CTNNA1: variants seen among roughly 807,000 people sequenced by gnomAD.
The protein encoded by CTNNA1 is catenin alpha-1.
CTNNA1 carries 37 observed loss-of-function variants against 98.4 expected under a neutral mutation model. The ratio of observed to expected loss-of-function variants is 0.38; its 90% CI spans 0.29 to 0.49. CTNNA1 has a LOEUF of 0.49. Among genes scored for constraint, CTNNA1 ranks in the 20% least tolerant of loss-of-function variants. The pLI is 0.95. For synonymous variants in CTNNA1, 404 were observed against 413.2 expected (o/e 0.98, Z 0.27); for missense variants, 761 against 1,147.2 (o/e 0.66, Z 4.86).
chr5:138,902,447 T>A lies in CTNNA1; in HGVS notation c.1297-1902T>A, dbSNP rs1426003362. Among the ~76,000 whole-genome samples, 4 of 152,288 alleles carry A rather than the reference T, an allele frequency of 2.6e-5. No homozygotes were observed. In the East Asian group the frequency reaches 7.7e-4, roughly 29 times the overall value. On this transcript the variant is annotated intron_variant, in intron 9 of 17. Transcript: ENST00000302763. ...TTTTGTTTTTGTTTTTGAGACGGAG[T>A]CTCGCTCTGTCGCCCAGGCTGGAGT...
chr5:138,889,581 A>G (rs927029437), intron 9 of CTNNA1, among the ~76,000 whole-genome samples: 1 of 152,042 alleles, frequency 6.6e-6, no homozygotes, highest in African/African-American at 2.4e-5. Context: ...CCAAGCTTAT[A>G]TATTTTATTG....
intron 7 of CTNNA1, among the ~76,000 whole-genome samples, chr5:138,846,608 A>G (rs1477802555): frequency 6.6e-6 from 1 of 152,206 alleles, no homozygotes; most frequent in Admixed American, 6.5e-5. Flanking sequence ...CCAGAATTAC[A>G]TGGTCTACAT....
intron 10 of CTNNA1, among the ~76,000 whole-genome samples, chr5:138,905,750 T>C (rs926540666): frequency 3.3e-5 from 5 of 152,216 alleles, no homozygotes; most frequent in African/African-American, 4.8e-5. Context: ...AGTTTGTTTG[T>C]CTGGCTTGAC....
At chr5:138,918,582 A>G (rs1043849309) in intron 11 of CTNNA1, among the ~76,000 whole-genome samples, 8 of 152,256 alleles carry the variant, frequency 5.3e-5, no homozygotes, top group African/African-American at 1.7e-4. Context: ...ATTTCATTAT[A>G]TAAACATAAA....
rs907120946 is a variant in CTNNA1 at position 138,874,489 on chromosome 5, T to A, written c.1063-11723T>A. On this transcript the variant is annotated intron_variant, in intron 7 of 17. Coordinates refer to ENST00000302763, the MANE Select transcript of CTNNA1 (RefSeq NM_001903.5). This position sits in a 1 kb window ranked among gnomAD's most constrained non-coding sequence, Gnocchi z 4.1. ...CCATACCCAGGGCAGGCAGCATTTT[T>A]AAAACCATACTCATTGCATATATTG... 1.9e-6 allele frequency: 3 copies of A among 1,611,444 alleles called. No individual in the cohort carries two copies. The highest frequency in any genetic ancestry group is 2.5e-6 in the Non-Finnish European group (3 of 1,178,690).
intron 15 of CTNNA1, 81 bp from the exon 16 acceptor site, chr5:138,930,749 C>A: frequency 6.5e-7 from 1 of 1,531,094 alleles, no homozygotes; most frequent in Non-Finnish European, 9.0e-7. Context: ...GGCCATGGGG[C>A]TTTGTGGACA....
At chr5:138,902,741 C>A (rs1467540354) in intron 9 of CTNNA1, among the ~76,000 whole-genome samples, 1 of 152,182 alleles carries the variant, frequency 6.6e-6, no homozygotes, top group East Asian at 1.9e-4. Flanking sequence ...TTGTTAGTCA[C>A]AAAATGCTAA....
chr5:138,817,478 T>G (rs1759552882), intron 5 of CTNNA1, among the ~76,000 whole-genome samples: 1 of 152,220 alleles, frequency 6.6e-6, no homozygotes, highest in Non-Finnish European at 1.5e-5. Flanking sequence ...CTTGGGAAGT[T>G]TCCAGCTATT....
intron 6 of CTNNA1, among the ~76,000 whole-genome samples, chr5:138,826,326 GTC>G (rs1265927983): frequency 3.9e-5 from 6 of 152,192 alleles, no homozygotes; most frequent in African/African-American, 1.4e-4. Context: ...TAAGGACATA[GTC>G]TCTGTAAAGA....
intron 1 of CTNNA1, among the ~76,000 whole-genome samples, chr5:138,768,086 C>CT (rs147109212): frequency 2.4e-4 from 37 of 152,282 alleles, no homozygotes; most frequent in Non-Finnish European, 4.3e-4. Context: ...TATGGTTTTT[C>CT]TTTCTCTTTT....
In CTNNA1 at chr5:138,932,601, G is replaced by A; in HGVS notation, c.2322G>A (p.Gln774=). 1 of 1,614,154 alleles carries A rather than the reference G, an allele frequency of 6.2e-7. No homozygotes were observed. The highest frequency in any genetic ancestry group is 1.1e-5 in the South Asian group (1 of 91,082). Reference sequence around the variant, plus strand: ...AGTGCCCCGACTCGGCTTGCAAGCAGGACCTGCTGGCCTACCTGCAACGCA... The same window carrying A: ...AGTGCCCCGACTCGGCTTGCAAGCAAGACCTGCTGGCCTACCTGCAACGCA... ...ADHCPDSACK[Q]DLLAYLQRIA... is the part of the protein sequence containing the mutation. The change falls in exon 17 of 18, where the codon CAG becomes CAA. Residue 774 remains glutamine (Q), a synonymous_variant. Coordinates refer to ENST00000302763, the MANE Select transcript of CTNNA1 (RefSeq NM_001903.5).
At chr5:138,843,957 T>A (rs184534008) in intron 7 of CTNNA1, among the ~76,000 whole-genome samples, 5 of 152,320 alleles carry the variant, frequency 3.3e-5, no homozygotes, top group Non-Finnish European at 7.3e-5. Flanking sequence ...TAAGCACTTT[T>A]TTTAGAAGGT....
chr5:138,908,170 G>A (rs1018108057), intron 10 of CTNNA1, among the ~76,000 whole-genome samples: 1 of 151,968 alleles, frequency 6.6e-6, no homozygotes, highest in African/African-American at 2.4e-5. Context: ...GTAGAGATGG[G>A]GTTTCACCTT....
intron 3 of CTNNA1, among the ~76,000 whole-genome samples, chr5:138,809,113 G>A (rs1758408444): frequency 6.6e-6 from 1 of 152,098 alleles, no homozygotes; most frequent in African/African-American, 2.4e-5. Flanking sequence ...GCCTCACAAA[G>A]CGCCGAGATT....
chr5:138,859,011 T>G (rs937146881), intron 7 of CTNNA1, among the ~76,000 whole-genome samples: 15 of 152,234 alleles, frequency 9.9e-5, no homozygotes, highest in African/African-American at 3.6e-4. Context: ...TACATTGACT[T>G]GAGAACAGGG....
At chr5:138,886,371 C>T in intron 8 of CTNNA1, 79 bp downstream of exon 8, 2 of 1,401,728 alleles carry the variant, frequency 1.4e-6, no homozygotes, top group South Asian at 2.8e-5. Context: ...TAAGCACTGG[C>T]CTTATATTTT....
chr5:138,932,045 GCTTTA>G (rs764451253), intron 16 of CTNNA1: 13 of 985,460 alleles, frequency 1.3e-5, no homozygotes, highest in Admixed American at 1.2e-4. Flanking sequence ...TTTTTTTCTT[GCTTTA>G]CTTTACTCAC....
At chr5:138,830,400 A>G (rs1186536569) in intron 7 of CTNNA1, among the ~76,000 whole-genome samples, 1 of 152,194 alleles carries the variant, frequency 6.6e-6, no homozygotes, top group Non-Finnish European at 1.5e-5. Flanking sequence ...TCTTCTTGAG[A>G]TTTAGAAATG....
At chr5:138,844,678 G>C (rs978234770) in intron 7 of CTNNA1, among the ~76,000 whole-genome samples, 1 of 152,144 alleles carries the variant, frequency 6.6e-6, no homozygotes, top group South Asian at 2.1e-4. Flanking sequence ...AGTAAGAATT[G>C]AGAAGATCTG....
Sources: gnomAD v4.1 joint callset for allele counts (sites outside exome capture counted in the v4.1 genomes callset) on GRCh38, gnomAD v4.1.1 for gene constraint, Gnocchi (gnomAD v3.1) non-coding constraint, MANE v1.5 for transcripts, NCBI Gene and HGNC (gene_info 2026-07-23, HGNC 2026-07-21) for gene names.